PSD3: variants seen among roughly 807,000 people sequenced by gnomAD.
PSD3 encodes the protein pleckstrin and Sec7 domain containing 3, also known as PH and SEC7 domain-containing protein 3.
In PSD3, 49 loss-of-function variants were observed where a neutral mutation model predicts 105.5. The ratio of observed to expected loss-of-function variants is 0.46; its 90% confidence interval spans 0.37 to 0.59. PSD3 has a LOEUF of 0.59. Among genes scored for constraint, PSD3 ranks in the 20% least tolerant of loss-of-function variants. The pLI, the probability that PSD3 is intolerant of heterozygous loss-of-function variation, is 0.00. For missense variants in PSD3, 1,561 were observed against 1,263.8 expected, an observed-to-expected ratio of 1.24 and a Z score of -3.57; for synonymous variants, 557 against 457.8, an observed-to-expected ratio of 1.22 and a Z score of -2.77.
chr8:19,054,132 G>A (rs532417680), intron 1 of PSD3, among the ~76,000 whole-genome samples: 15 of 152,284 alleles, frequency 9.9e-5, no homozygotes, highest in African/African-American at 3.6e-4. Context: ...CCTTTCTCCT[G>A]CCGCGGGCTT....
At chr8:19,079,157 C>A (rs1038033588) in intron 1 of PSD3, among the ~76,000 whole-genome samples, 1 of 151,976 alleles carries the variant, frequency 6.6e-6, no homozygotes, top group Admixed American at 6.6e-5. Flanking sequence ...AGCAAGAGAA[C>A]GTTGTCATGG....
chr8:18,612,375 A>ATTTT (rs71217390), intron 11 of PSD3, among the ~76,000 whole-genome samples: 1 of 148,162 alleles, frequency 6.7e-6, no homozygotes, highest in Non-Finnish European at 1.5e-5. Flanking sequence ...TTACTGATGC[A>ATTTT]TTTTTTTTTT....
At chr8:18,884,093 G>C (rs954503081) in intron 2 of PSD3, among the ~76,000 whole-genome samples, 1 of 152,034 alleles carries the variant, frequency 6.6e-6, no homozygotes, top group Non-Finnish European at 1.5e-5. Flanking sequence ...GACGAGGGCA[G>C]GAAAAAGAGT....
At chr8:18,654,161 T>A (rs946391529) in intron 10 of PSD3, among the ~76,000 whole-genome samples, 1 of 152,202 alleles carries the variant, frequency 6.6e-6, no homozygotes, top group South Asian at 2.1e-4. Flanking sequence ...TATGCAAATA[T>A]TAAAGTCTTA....
chr8:18,622,319 C>CA (rs1043268979), intron 11 of PSD3, among the ~76,000 whole-genome samples: 25 of 152,168 alleles, frequency 1.6e-4, no homozygotes, highest in African/African-American at 5.3e-4. Context: ...TCCCATTTTA[C>CA]AAAAAAACCT....
intron 13 of PSD3, among the ~76,000 whole-genome samples, chr8:18,574,007 G>A (rs1802324308): frequency 6.6e-6 from 1 of 152,120 alleles, no homozygotes; most frequent in Non-Finnish European, 1.5e-5. Context: ...ATCATCTGAT[G>A]TGATCATATT....
intron 10 of PSD3, among the ~76,000 whole-genome samples, chr8:18,644,004 G>C (rs868581097): frequency 1.3e-5 from 2 of 152,198 alleles, no homozygotes; most frequent in Non-Finnish European, 2.9e-5. Context: ...AGAGAACTGA[G>C]GGGGCTCTGG....
At chr8:18,666,731 T>TGGGGGGG (rs1491016179) in intron 9 of PSD3, among the ~76,000 whole-genome samples, 1 of 123,842 alleles carries the variant, frequency 8.1e-6, no homozygotes, top group African/African-American at 3.1e-5. Context: ...TTTTGGGGGG[T>TGGGGGGG]GGGGGGAAGT....
At chr8:19,023,618 G>T (rs1426807511) in intron 1 of PSD3, among the ~76,000 whole-genome samples, 2 of 151,784 alleles carry the variant, frequency 1.3e-5, no homozygotes, top group Non-Finnish European at 2.9e-5. Flanking sequence ...TAATTTTTTT[G>T]TAGATAAAGG....
chr8:19,014,114 G>C (rs1028100522), upstream of PSD3: 3 of 152,364 alleles, frequency 2.0e-5, no homozygotes, highest in African/African-American at 7.2e-5. This position sits in a 1 kb window ranked among gnomAD's most constrained non-coding sequence, Gnocchi z 4.9. Context: ...AGAAAAGTGA[G>C]AGGTGCTTTC....
chr8:19,004,316 C>T (rs1284570043), intron 1 of PSD3, among the ~76,000 whole-genome samples: 1 of 152,070 alleles, frequency 6.6e-6, no homozygotes, highest in Non-Finnish European at 1.5e-5. Flanking sequence ...AAATCTCCAT[C>T]CTTCTTCCAA....
At chr8:18,703,643 G>A (rs1801720509) in intron 9 of PSD3, among the ~76,000 whole-genome samples, 1 of 152,208 alleles carries the variant, frequency 6.6e-6, no homozygotes, top group South Asian at 2.1e-4. Flanking sequence ...GACTTCCACA[G>A]AAGACTGGAT....
At chr8:18,983,880 G>A (rs1312831973) in intron 1 of PSD3, among the ~76,000 whole-genome samples, 3 of 151,748 alleles carry the variant, frequency 2.0e-5, no homozygotes, top group Admixed American at 1.3e-4. Context: ...GGCATGTGCT[G>A]TAGTCCCAGC....
intron 11 of PSD3, among the ~76,000 whole-genome samples, chr8:18,609,972 C>T (rs1021349797): frequency 2.6e-5 from 4 of 152,322 alleles, no homozygotes; most frequent in Non-Finnish European, 5.9e-5. Flanking sequence ...CAGCAAGTGA[C>T]AGTATTAATT....
intron 12 of PSD3, among the ~76,000 whole-genome samples, chr8:18,590,753 A>G (rs1803541284): frequency 6.6e-6 from 1 of 152,210 alleles, no homozygotes; most frequent in African/African-American, 2.4e-5. Context: ...TTAACAAAAA[A>G]TACTACATGC....
chr8:18,891,036 G>T (rs917736590), intron 2 of PSD3, among the ~76,000 whole-genome samples: 3 of 152,118 alleles, frequency 2.0e-5, no homozygotes, highest in Admixed American at 6.5e-5. Flanking sequence ...CTCACAGCAG[G>T]TCTCTGTCAG....
chr8:18,821,715 A>ACC (rs1282057704), intron 4 of PSD3, among the ~76,000 whole-genome samples: 8 of 140,882 alleles, frequency 5.7e-5, no homozygotes, highest in Admixed American at 3.7e-4. Flanking sequence ...ACACACACAC[A>ACC]CACCCCAATA....
At chr8:18,836,149 A>C (rs11781914) in intron 4 of PSD3, among the ~76,000 whole-genome samples, 1 of 152,030 alleles carries the variant, frequency 6.6e-6, no homozygotes, top group Non-Finnish European at 1.5e-5. Flanking sequence ...GTGAGATGCC[A>C]AAAAGGTGCT....
rs1056222011 is a variant in PSD3 at position 18,550,954 on chromosome 8, T to A, written c.2928+5255A>T. Among the ~76,000 whole-genome samples, 12 of 152,324 alleles carry A rather than the reference T, an allele frequency of 7.9e-5. No homozygotes were observed. In the East Asian group the frequency reaches 2.1e-3, roughly 27 times the overall value. On this transcript the variant is annotated intron_variant, in intron 15 of 15. Coordinates refer to ENST00000327040, the MANE Select transcript of PSD3 (RefSeq NM_015310.4). ...CTAAGATTGAGACTTTTGCTACTAA[T>A]CTTCTTTAACTAGTTTAACAGAATT...
Sources: gnomAD v4.1 joint callset for allele counts (sites outside exome capture counted in the v4.1 genomes callset) on GRCh38, gnomAD v4.1.1 for gene constraint, Gnocchi (gnomAD v3.1) non-coding constraint, MANE v1.5 for transcripts, NCBI Gene and HGNC (gene_info 2026-07-23, HGNC 2026-07-21) for gene names.